The following DEK variants were observed in gnomAD, a reference collection of about 807,000 sequenced individuals.
DEK encodes the protein protein DEK.
Under a neutral mutation model 46.8 loss-of-function variants are expected in DEK, and 28 were observed. The observed-to-expected ratio is 0.60, with a 90% CI of 0.44 to 0.82. The LOEUF (loss-of-function observed/expected upper bound fraction) is 0.82. Among genes scored for constraint, DEK ranks in the 40% least tolerant of loss-of-function variants. The probability of loss-of-function intolerance (pLI) is 0.00; values close to 1 mark genes in which losing one functional copy is unlikely to be tolerated. For synonymous variants in DEK, 160 were observed against 144.5 expected (o/e 1.11, Z -0.77); for missense variants, 416 against 430.6 (o/e 0.97, Z 0.30).
intron 6 of DEK, among the ~76,000 whole-genome samples, chr6:18,255,217 C>G (rs1791550536): frequency 6.6e-6 from 1 of 152,222 alleles, no homozygotes; most frequent in Non-Finnish European, 1.5e-5. Flanking sequence ...GGCCATTTTA[C>G]TTCCCTGTCT....
At position 18,224,732 on chromosome 6, in the gene DEK, A is replaced by T. The variant is rs1790033728; in HGVS notation, c.*987T>A. On this transcript the variant is annotated 3_prime_UTR_variant, in exon 11 of 11. Coordinates refer to ENST00000652689, the MANE Select transcript of DEK (RefSeq NM_003472.4). ...TAATCGTGAAGCTGGCTAGGTTTCC[A>T]GTAAATATCAGCATTTTATATGGGC... 2 of 214,884 alleles carry T rather than the reference A, an allele frequency of 9.3e-6. No homozygotes were observed. The highest frequency in any genetic ancestry group is 1.9e-4 in the South Asian group (1 of 5,372). The allele number at this position is 214,884 out of a possible 1,614,324, so 13.3% of individuals were successfully genotyped here.
intron 9 of DEK, among the ~76,000 whole-genome samples, chr6:18,230,284 G>A (rs1468617572): frequency 2.0e-5 from 3 of 152,162 alleles, no homozygotes; most frequent in Admixed American, 6.5e-5. Flanking sequence ...ATGCCAAATT[G>A]TAAAGACCAT....
chr6:18,251,045 T>TA (rs1448844252), intron 6 of DEK, among the ~76,000 whole-genome samples: 1 of 152,206 alleles, frequency 6.6e-6, no homozygotes, highest in Middle Eastern at 3.2e-3. Flanking sequence ...ATGAGTTGAT[T>TA]ACAGTAAACA....
intron 2 of DEK, among the ~76,000 whole-genome samples, chr6:18,259,691 TAAC>T (rs372715287): frequency 8.5e-5 from 13 of 152,070 alleles, no homozygotes; most frequent in Non-Finnish European, 1.0e-4. Flanking sequence ...ATATAAAAGA[TAAC>T]AAAACATCTT....
At chr6:18,238,196 C>T (rs1790748120) in intron 7 of DEK, among the ~76,000 whole-genome samples, 1 of 151,960 alleles carries the variant, frequency 6.6e-6, no homozygotes, top group Non-Finnish European at 1.5e-5. Context: ...TGATGTTTCC[C>T]TAACTCCTAA....
At chr6:18,256,257 G>C (rs1359429000) in intron 5 of DEK, 104 bp downstream of exon 5, 1 of 994,914 alleles carries the variant, frequency 1.0e-6, no homozygotes, top group Non-Finnish European at 1.5e-6. Flanking sequence ...AAAGTGCTGG[G>C]ATTACAGGTG....
At chr6:18,248,373 A>C (rs1307546361) in intron 7 of DEK, among the ~76,000 whole-genome samples, 1 of 152,218 alleles carries the variant, frequency 6.6e-6, no homozygotes, top group African/African-American at 2.4e-5. Context: ...TGAATGGCAC[A>C]CAGTAGACAC....
chr6:18,254,155 AC>A (rs1791506764), intron 6 of DEK, among the ~76,000 whole-genome samples: 1 of 152,060 alleles, frequency 6.6e-6, no homozygotes, highest in Non-Finnish European at 1.5e-5. Context: ...ACATGGCAAA[AC>A]CCCGTCTCTA....
intron 7 of DEK, among the ~76,000 whole-genome samples, chr6:18,242,018 C>T (rs1056803814): frequency 1.3e-5 from 2 of 152,220 alleles, no homozygotes; most frequent in Non-Finnish European, 1.5e-5. Context: ...TTTCTTAAAG[C>T]TATTGCTTAA....
intron 10 of DEK, 58 bp from the exon 11 acceptor site, chr6:18,225,788 T>G: frequency 1.3e-6 from 2 of 1,594,458 alleles, no homozygotes; most frequent in Non-Finnish European, 1.7e-6. Flanking sequence ...TCCCATTTTT[T>G]CCACATCTAT....
At chr6:18,229,933 C>A (rs1167490765) in intron 9 of DEK, among the ~76,000 whole-genome samples, 1 of 152,132 alleles carries the variant, frequency 6.6e-6, no homozygotes, top group Non-Finnish European at 1.5e-5. Flanking sequence ...TTGCCAGATT[C>A]ACCAAAGCTG....
At chr6:18,253,493 T>A (rs144348211) in intron 6 of DEK, among the ~76,000 whole-genome samples, 67 of 152,250 alleles carry the variant, frequency 4.4e-4, no homozygotes, top group African/African-American at 1.6e-3. Context: ...GAAGACATAA[T>A]TCAGGGAACC....
intron 9 of DEK, 149 bp from the exon 10 acceptor site, chr6:18,226,391 C>A: frequency 1.7e-6 from 1 of 587,616 alleles, no homozygotes; most frequent in Non-Finnish European, 2.6e-6. Context: ...AATTCTATTC[C>A]AAATGAGTAT....
chr6:18,262,970 T>C (rs948093495), intron 2 of DEK, among the ~76,000 whole-genome samples: 1 of 152,124 alleles, frequency 6.6e-6, no homozygotes, highest in Non-Finnish European at 1.5e-5. Context: ...CTTCAACCTC[T>C]TCCCAAGTGT....
chr6:18,235,311 T>C (rs1790600691), intron 9 of DEK, among the ~76,000 whole-genome samples: 1 of 152,222 alleles, frequency 6.6e-6, no homozygotes, highest in Non-Finnish European at 1.5e-5. Context: ...TCTCCTAACT[T>C]CTGTGAGGAC....
chr6:18,238,955 G>A (rs1180474347), intron 7 of DEK, among the ~76,000 whole-genome samples: 1 of 151,474 alleles, frequency 6.6e-6, no homozygotes, highest in African/African-American at 2.4e-5. Flanking sequence ...TCTCGCTCTT[G>A]TTGCCCAGGC....
chr6:18,239,774 C>T (rs1178622984), intron 7 of DEK, among the ~76,000 whole-genome samples: 4 of 151,952 alleles, frequency 2.6e-5, no homozygotes, highest in Non-Finnish European at 2.9e-5. Flanking sequence ...TTTTTTATGA[C>T]GAACTTAAAC....
chr6:18,227,287 A>C (rs1037039680), intron 9 of DEK, among the ~76,000 whole-genome samples: 1 of 152,146 alleles, frequency 6.6e-6, no homozygotes, highest in Non-Finnish European at 1.5e-5. Context: ...ACCCGATTGT[A>C]CGTTCCATCT....
chr6:18,227,817 T>G (rs1002110827), intron 9 of DEK, among the ~76,000 whole-genome samples: 1 of 152,182 alleles, frequency 6.6e-6, no homozygotes. Context: ...CTGCCAAGTG[T>G]CTTTTAGGGA....
Sources: gnomAD v4.1 joint callset for allele counts (sites outside exome capture counted in the v4.1 genomes callset) on GRCh38, gnomAD v4.1.1 for gene constraint, MANE v1.5 for transcripts, NCBI Gene and HGNC (gene_info 2026-07-23, HGNC 2026-07-21) for gene names.